Variants in DGKB observed in about 807,000 individuals in gnomAD.
The protein encoded by DGKB is 90 kDa diacylglycerol kinase.
DGKB carries 67 observed loss-of-function variants against 114.3 expected under a neutral mutation model. The observed-to-expected ratio is 0.59, with a 90% CI of 0.48 to 0.72. The LOEUF (loss-of-function observed/expected upper bound fraction) is 0.72, where lower values mean the gene tolerates loss of function less well. Ranked by LOEUF, DGKB falls within the 30% of genes least tolerant of loss-of-function variation. DGKB has a pLI of 0.00. For missense variants in DGKB, 907 were observed against 975.2 expected (o/e 0.93, Z 0.93); for synonymous variants, 398 against 323.1 (o/e 1.23, Z -2.49).
chr7:14,610,262 AAC>A (rs1805288941), intron 16 of DGKB, among the ~76,000 whole-genome samples: 1 of 152,142 alleles, frequency 6.6e-6, no homozygotes, highest in South Asian at 2.1e-4. Context: ...TAAGAGAATT[AAC>A]ACAGAAACAG....
At chr7:14,652,100 A>T (rs1381984768) in intron 13 of DGKB, among the ~76,000 whole-genome samples, 1 of 125,298 alleles carries the variant, frequency 8.0e-6, no homozygotes, top group Non-Finnish European at 1.7e-5. Context: ...ATTCAATGCC[A>T]TCCCCATCAA....
intron 9 of DGKB, among the ~76,000 whole-genome samples, chr7:14,687,237 C>G (rs1821869837): frequency 6.6e-6 from 1 of 152,122 alleles, no homozygotes; most frequent in African/African-American, 2.4e-5. Context: ...CTGGCAGCAT[C>G]CATAAAACTG....
intron 13 of DGKB, among the ~76,000 whole-genome samples, chr7:14,644,592 C>A (rs1812532441): frequency 6.6e-6 from 1 of 151,950 alleles, no homozygotes; most frequent in Non-Finnish European, 1.5e-5. Context: ...TCAACAATTA[C>A]AGAAGAAATA....
chr7:14,479,687 G>A (rs1022750456), intron 20 of DGKB, among the ~76,000 whole-genome samples: 15 of 152,136 alleles, frequency 9.9e-5, no homozygotes, highest in African/African-American at 3.4e-4. Flanking sequence ...ATTCTATTAA[G>A]TCATAAACAT....
At chr7:14,297,776 C>T (rs1802836614) in intron 23 of DGKB, among the ~76,000 whole-genome samples, 1 of 152,130 alleles carries the variant, frequency 6.6e-6, no homozygotes, top group South Asian at 2.1e-4. Flanking sequence ...TCTCTGGCTG[C>T]AGACGACATG....
At chr7:14,965,716 C>T (rs946144686) in intron 1 of DGKB, among the ~76,000 whole-genome samples, 3 of 152,016 alleles carry the variant, frequency 2.0e-5, no homozygotes, top group African/African-American at 4.8e-5. Flanking sequence ...CCTTGTTAAA[C>T]TTACACTGGC....
intron 13 of DGKB, among the ~76,000 whole-genome samples, chr7:14,655,640 T>C (rs28851505): frequency 0.022 from 3,307 of 151,808 alleles, 119 homozygotes; most frequent in African/African-American, 0.076. Flanking sequence ...AACCTAAATG[T>C]CCATCAATAG....
chr7:14,401,401 G>GA (rs1823072571), intron 21 of DGKB, among the ~76,000 whole-genome samples: 1 of 151,868 alleles, frequency 6.6e-6, no homozygotes, highest in South Asian at 2.1e-4. Context: ...AAATAAAAGA[G>GA]AAACATGTTA....
At chr7:14,875,810 GT>G (rs144483113) in intron 1 of DGKB, among the ~76,000 whole-genome samples, 78 of 147,756 alleles carry the variant, frequency 5.3e-4, no homozygotes, top group East Asian at 1.8e-3. Context: ...ACATTATGAG[GT>G]TTTTTTTTTG....
rs909751975 is a variant in DGKB, at chr7:14,685,134, A to C, written c.829+111T>G. Reference sequence around the variant, plus strand: ...ACAGGAAAATATAAATCACATGTACAGAGACAGTCCAGATCAGATCTTAGG... The same window carrying C: ...ACAGGAAAATATAAATCACATGTACCGAGACAGTCCAGATCAGATCTTAGG... On this transcript the variant is annotated intron_variant, in intron 10 of 25. Transcript: ENST00000402815. 9.0e-6 allele frequency: 6 copies of C among 664,896 alleles called. No individual in the cohort carries two copies. In the East Asian group the frequency reaches 1.6e-4, roughly 18 times the overall value. 41.2% of individuals were successfully genotyped at this position (664,896 alleles called of 1,614,324 possible). A position where few individuals can be genotyped will look rare whatever the true frequency, so the allele number is the denominator to read the frequency against.
chr7:14,163,761 G>T (rs577686227), intron 25 of DGKB, among the ~76,000 whole-genome samples: 6 of 152,112 alleles, frequency 3.9e-5, no homozygotes, highest in Non-Finnish European at 7.3e-5. Flanking sequence ...GTGGGAGGCC[G>T]AGGCAGGCAG....
At chr7:14,788,339 C>T (rs1275597843) in intron 2 of DGKB, among the ~76,000 whole-genome samples, 2 of 152,204 alleles carry the variant, frequency 1.3e-5, no homozygotes, top group African/African-American at 4.8e-5. Flanking sequence ...CCACCAAAGC[C>T]TTGTCTATTA....
At chr7:14,566,536 T>C (rs1196109489) in intron 20 of DGKB, among the ~76,000 whole-genome samples, 1 of 152,208 alleles carries the variant, frequency 6.6e-6, no homozygotes, top group Non-Finnish European at 1.5e-5. Flanking sequence ...AACTATCACC[T>C]TTAGTAGAAG....
At chr7:14,323,312 C>A (rs1418411573) in intron 23 of DGKB, among the ~76,000 whole-genome samples, 2 of 152,126 alleles carry the variant, frequency 1.3e-5, no homozygotes, top group Middle Eastern at 3.4e-3. Context: ...GTGGTGTTGG[C>A]CGTGTTCTAT....
Position 14,718,925 on chromosome 7 carries a change from T to G in DGKB, c.323-240A>C, listed in dbSNP as rs75159012. 1.4e-3 allele frequency: 525 copies of G among 381,024 alleles called. 2 individuals carry two copies. Among genetic ancestry groups the G allele is most frequent in the African/African-American group, 9.2e-3 (448 of 48,462 alleles). The allele number at this position is 381,024 out of a possible 1,614,324, so 23.6% of individuals were successfully genotyped here. On this transcript the variant is annotated intron_variant, in intron 5 of 25. Coordinates refer to ENST00000402815, the MANE Select transcript of DGKB (RefSeq NM_001350709.2). ...CTGCCCTATCAGCCACGGATGGTATTTGGGTCAGAATAATATTACCCTAGG... is the reference window on the plus strand; with the variant it reads ...CTGCCCTATCAGCCACGGATGGTATGTGGGTCAGAATAATATTACCCTAGG...
intron 8 of DGKB, among the ~76,000 whole-genome samples, chr7:14,696,613 G>C (rs376109437): frequency 6.7e-6 from 1 of 150,274 alleles, no homozygotes; most frequent in East Asian, 2.0e-4. Context: ...TGACTAATCT[G>C]CACAGGTAGA....
intron 23 of DGKB, among the ~76,000 whole-genome samples, chr7:14,212,410 TTACTCTCGTGTTTTGTGA>T (rs200281734): frequency 0.013 from 856 of 66,024 alleles, 206 homozygotes; most frequent in East Asian, 0.033. Context: ...TTTTGTGATT[TTACTCTCGTGTTTTGTGA>T]TATTTACTCT....
chr7:14,480,337 CT>C (rs1258243009), intron 20 of DGKB, among the ~76,000 whole-genome samples: 3 of 152,062 alleles, frequency 2.0e-5, no homozygotes, highest in Non-Finnish European at 4.4e-5. Flanking sequence ...ACTAGCAGGT[CT>C]TTTCCTTGTG....
At chr7:14,742,041 C>G (rs1832660012) in intron 4 of DGKB, among the ~76,000 whole-genome samples, 1 of 152,106 alleles carries the variant, frequency 6.6e-6, no homozygotes, top group Non-Finnish European at 1.5e-5. Context: ...ATGAGAGACC[C>G]TAAGATAATT....
Sources: gnomAD v4.1 joint callset for allele counts (sites outside exome capture counted in the v4.1 genomes callset) on GRCh38, gnomAD v4.1.1 for gene constraint, MANE v1.5 for transcripts, NCBI Gene and HGNC (gene_info 2026-07-23, HGNC 2026-07-21) for gene names.